KCNH8: variants seen among roughly 807,000 people sequenced by gnomAD.
KCNH8 encodes the protein potassium voltage-gated channel subfamily H member 8.
Under a neutral mutation model 103.6 loss-of-function variants are expected in KCNH8, and 70 were observed. That is an observed-to-expected ratio of 0.68 (90% CI 0.56 to 0.82). The LOEUF (loss-of-function observed/expected upper bound fraction) is 0.82. Ranked by LOEUF, KCNH8 falls within the 40% of genes least tolerant of loss-of-function variation. The probability of loss-of-function intolerance (pLI) is 0.00; values close to 1 mark genes in which losing one functional copy is unlikely to be tolerated. For synonymous variants in KCNH8, 498 were observed against 489.4 expected (o/e 1.02, Z -0.23); for missense variants, 1,217 against 1,329.9 (o/e 0.92, Z 1.32).
At chr3:19,300,105 C>T (rs2065046632) in intron 3 of KCNH8, among the ~76,000 whole-genome samples, 1 of 151,882 alleles carries the variant, frequency 6.6e-6, no homozygotes, top group Non-Finnish European at 1.5e-5. Context: ...AAAAATTAGC[C>T]AGGCATGGTG....
rs570708657 is a variant in KCNH8 at position 19,303,927 on chromosome 3, G to A, written c.442+22598G>A. Among the ~76,000 whole-genome samples the A allele has an allele frequency of 3.3e-5, 5 of 152,142 alleles. No homozygotes were observed. In the South Asian group the frequency reaches 1.0e-3, roughly 32 times the overall value. ...CTTGATTTTGAGGGTGGATACAGGG[G>A]GACCACAGACTATCCAATGCATCAC... On this transcript the variant is annotated intron_variant, in intron 3 of 15. Transcript: ENST00000328405.
intron 1 of KCNH8, among the ~76,000 whole-genome samples, chr3:19,227,629 A>G (rs1248279965): frequency 2.0e-5 from 3 of 152,260 alleles, no homozygotes; most frequent in Admixed American, 2.0e-4. Flanking sequence ...ATGAAGAATA[A>G]GAAAATGAGT....
intron 1 of KCNH8, among the ~76,000 whole-genome samples, chr3:19,238,596 CA>C (rs900274557): frequency 2.0e-5 from 3 of 152,176 alleles, no homozygotes; most frequent in African/African-American, 7.2e-5. Context: ...GGATGAATAA[CA>C]ATGCCAGAAG....
Position 19,160,344 on chromosome 3 carries a change from A to G in KCNH8, c.76+11549A>G, listed in dbSNP as rs528258171. ...TCATTTATTCATTTTTTTTGGTAAG[A>G]GTTTTTTATGATATAATTTACATAT... On this transcript the variant is annotated intron_variant, in intron 1 of 15. Coordinates refer to ENST00000328405, the MANE Select transcript of KCNH8 (RefSeq NM_144633.3). Among the ~76,000 whole-genome samples, 5 of 152,150 alleles carry G rather than the reference A, an allele frequency of 3.3e-5. No homozygotes were observed. In the East Asian group the frequency reaches 9.6e-4, roughly 29 times the overall value.
At chr3:19,493,583 C>A (rs987778851) in intron 11 of KCNH8, among the ~76,000 whole-genome samples, 2 of 152,086 alleles carry the variant, frequency 1.3e-5, no homozygotes, top group East Asian at 1.9e-4. Context: ...GTCAATTATA[C>A]CCCTTTTCTT....
At chr3:19,230,056 A>T (rs778536966) in intron 1 of KCNH8, among the ~76,000 whole-genome samples, 1 of 152,200 alleles carries the variant, frequency 6.6e-6, no homozygotes, top group Non-Finnish European at 1.5e-5. Context: ...ATGGTGGCGG[A>T]AAGAGAAAAT....
chr3:19,440,488 G>A (rs1277985174), intron 8 of KCNH8, among the ~76,000 whole-genome samples: 1 of 152,188 alleles, frequency 6.6e-6, no homozygotes, highest in Non-Finnish European at 1.5e-5. Flanking sequence ...ATTTCACATG[G>A]TGGCAGGCAA....
In KCNH8 at chr3:19,520,081, C is replaced by CT. The variant is rs559101114; in HGVS notation, c.2619+2016dup. The stretch of plus-strand genomic sequence containing the variant: ...TGATCCTGTATTCACGATTTCTTTT[C>CT]TTTTTTTTTAAATTATACTTTAAGT... On this transcript the variant is annotated intron_variant, in intron 15 of 15. Transcript: ENST00000328405. 9.7e-4 allele frequency among the ~76,000 whole-genome samples: 144 copies of CT among 148,658 alleles called. 1 individual carries two copies. Among genetic ancestry groups the CT allele is most frequent in the Non-Finnish European group, 1.8e-3 (118 of 67,024 alleles).
chr3:19,452,644 T>A (rs923239286), intron 10 of KCNH8, among the ~76,000 whole-genome samples: 3 of 152,196 alleles, frequency 2.0e-5, no homozygotes, highest in Non-Finnish European at 4.4e-5. Flanking sequence ...ATTTAGAGTT[T>A]GTGCTAATAA....
chr3:19,271,902 T>C (rs552801442), intron 2 of KCNH8, among the ~76,000 whole-genome samples: 1 of 152,260 alleles, frequency 6.6e-6, no homozygotes, highest in East Asian at 1.9e-4. Context: ...TAGTGTTCTT[T>C]GGAAGTAACA....
intron 15 of KCNH8, among the ~76,000 whole-genome samples, chr3:19,526,214 G>A (rs1337280202): frequency 6.6e-6 from 1 of 151,832 alleles, no homozygotes; most frequent in Non-Finnish European, 1.5e-5. Flanking sequence ...GGCAAAAATT[G>A]AGTGACAGGT....
Position 19,532,222 on chromosome 3 carries a change from T to C in KCNH8, c.2620-1173T>C, listed in dbSNP as rs371040796. On this transcript the variant is annotated intron_variant, in intron 15 of 15. Transcript: ENST00000328405. Reference sequence around the variant, plus strand: ...GACTCTTCAATGGTTCTTAAGTGTTTGGGCCATGACAGCTAAATGTCTCAC... The same window carrying C: ...GACTCTTCAATGGTTCTTAAGTGTTCGGGCCATGACAGCTAAATGTCTCAC... Among the ~76,000 whole-genome samples, 11 of 152,324 alleles carry C rather than the reference T, an allele frequency of 7.2e-5. No individual in the cohort carries two copies. The East Asian group carries it at 1.7e-3, about 24-fold the overall frequency.
At chr3:19,515,930 G>A (rs767187111) in intron 14 of KCNH8, among the ~76,000 whole-genome samples, 2 of 151,976 alleles carry the variant, frequency 1.3e-5, no homozygotes, top group African/African-American at 4.8e-5. Flanking sequence ...TTTAGTGATG[G>A]TGAATTAATG....
chr3:19,402,529 T>C (rs1315879414), intron 7 of KCNH8, among the ~76,000 whole-genome samples: 2 of 152,028 alleles, frequency 1.3e-5, no homozygotes, highest in Non-Finnish European at 2.9e-5. Context: ...TGTGTTATTT[T>C]TGGGTCATAG....
At chr3:19,466,648 C>CT (rs1559340738) in intron 11 of KCNH8, among the ~76,000 whole-genome samples, 2 of 107,748 alleles carry the variant, frequency 1.9e-5, no homozygotes, top group East Asian at 3.1e-4. Flanking sequence ...TGTAGCAATA[C>CT]ATTTTTTTTT....
chr3:19,174,819 A>G (rs2063381884), intron 1 of KCNH8, among the ~76,000 whole-genome samples: 2 of 152,226 alleles, frequency 1.3e-5, no homozygotes, highest in Admixed American at 6.5e-5. Flanking sequence ...TTATTCCTGA[A>G]TAGTAAATAG....
At chr3:19,183,270 A>T (rs1394347149) in intron 1 of KCNH8, among the ~76,000 whole-genome samples, 1 of 152,228 alleles carries the variant, frequency 6.6e-6, no homozygotes, top group Non-Finnish European at 1.5e-5. Context: ...TTGTCTATGT[A>T]GAAAGCCCTG....
chr3:19,253,873 TC>T lies in KCNH8; in HGVS notation c.297del (p.Tyr100ThrfsTer17). 6.2e-7 allele frequency: 1 copy of T among 1,612,304 alleles called. No homozygotes were observed. Among genetic ancestry groups the T allele is most frequent in the Non-Finnish European group, 8.5e-7 (1 of 1,178,604 alleles). On this transcript the variant is annotated frameshift_variant, in exon 2 of 16. Transcript: ENST00000328405. LOFTEE classifies it high-confidence loss of function. ...EKTEFKGEIM[F>X]YKKNGSPFWC... is the part of the protein sequence containing the mutation. Reference sequence around the variant, plus strand: ...ACAGAATTCAAAGGAGAAATTATGTTCTACAAGAAAAACGGTGAGTTGGCTT... The same window carrying T: ...ACAGAATTCAAAGGAGAAATTATGTTTACAAGAAAAACGGTGAGTTGGCTT...
At chr3:19,261,548 T>C (rs1471393074) in intron 2 of KCNH8, among the ~76,000 whole-genome samples, 1 of 151,918 alleles carries the variant, frequency 6.6e-6, no homozygotes, top group Non-Finnish European at 1.5e-5. Flanking sequence ...GTAGGTTACC[T>C]TTTCATTTTG....
Sources: gnomAD v4.1 joint callset for allele counts (sites outside exome capture counted in the v4.1 genomes callset) on GRCh38, gnomAD v4.1.1 for gene constraint, MANE v1.5 for transcripts, NCBI Gene and HGNC (gene_info 2026-07-23, HGNC 2026-07-21) for gene names.